The following WDR33 variants were observed in gnomAD, a reference collection of about 807,000 sequenced individuals.
WDR33 encodes pre-mRNA 3' end processing protein WDR33.
WDR33 carries 47 observed loss-of-function variants against 164.9 expected under a neutral mutation model. That is an observed-to-expected ratio of 0.29 (90% CI 0.23 to 0.36). The LOEUF is 0.36. Ranked by LOEUF, WDR33 falls within the 10% of genes least tolerant of loss-of-function variation. WDR33 has a pLI of 1.00. For missense variants in WDR33, 1,137 were observed against 1,754.1 expected (o/e 0.65, Z 6.28); for synonymous variants, 505 against 589.0 (o/e 0.86, Z 2.06).
Position 127,722,813 on chromosome 2 carries a change from G to T in WDR33, c.1379-83C>A. ...CAATGAACACATTATTGGAAGAATA[G>T]ATTTTAAGTATTATGTCATTTATAT... is the stretch of plus-strand genomic sequence containing the variant. On this transcript the variant is annotated intron_variant, in intron 13 of 21. Coordinates refer to ENST00000322313, the MANE Select transcript of WDR33 (RefSeq NM_018383.5). The surrounding 1 kb of genome is among the most constrained non-coding windows in gnomAD (Gnocchi z 5.1). The T allele has an allele frequency of 6.8e-7, 1 of 1,481,382 alleles. No individual in the cohort carries two copies. The highest frequency in any genetic ancestry group is 1.3e-5 in the South Asian group (1 of 78,062). 91.8% of individuals were successfully genotyped at this position (1,481,382 alleles called of 1,614,324 possible). A position where few individuals can be genotyped will look rare whatever the true frequency, so the allele number is the denominator to read the frequency against.
intron 1 of WDR33, among the ~76,000 whole-genome samples, chr2:127,783,599 C>CTTTTTTT (rs35345585): frequency 1.4e-4 from 12 of 84,410 alleles, no homozygotes; most frequent in South Asian, 4.0e-4. Flanking sequence ...TTCAGGACTC[C>CTTTTTTT]TTTTTTTTTT....
At position 127,735,658 on chromosome 2, in the gene WDR33, TG is replaced by T; in HGVS notation, c.725-8882del. On this transcript the variant is annotated intron_variant, in intron 7 of 21. Coordinates refer to ENST00000322313, the MANE Select transcript of WDR33 (RefSeq NM_018383.5). The surrounding 1 kb of genome is among the most constrained non-coding windows in gnomAD (Gnocchi z 4.3). ...TACTTCTAGCCACAAGAACATAAAA[TG>T]TAACAGATCAGTTTAAGACAAAGGG... is the stretch of plus-strand genomic sequence containing the variant. 1.0e-6 allele frequency: 1 copy of T among 985,774 alleles called. No individual in the cohort carries two copies. Among genetic ancestry groups the T allele is most frequent in the Non-Finnish European group, 1.2e-6 (1 of 829,910 alleles). 61.1% of individuals were successfully genotyped at this position (985,774 alleles called of 1,614,324 possible). A position where few individuals can be genotyped will look rare whatever the true frequency, so the allele number is the denominator to read the frequency against.
chr2:127,738,179 T>A lies in WDR33; in HGVS notation c.725-11402A>T. 1.4e-6 allele frequency: 1 copy of A among 716,134 alleles called. No individual in the cohort carries two copies. Among genetic ancestry groups the A allele is most frequent in the Non-Finnish European group, 2.1e-6 (1 of 482,524 alleles). 44.4% of individuals were successfully genotyped at this position (716,134 alleles called of 1,614,324 possible). ...GATTTTTTTCTATTAATGAGTAATC[T>A]GAGATAACATATGCTCCAACTGGAT... On this transcript the variant is annotated intron_variant, in intron 7 of 21. Transcript: ENST00000322313. The surrounding 1 kb of genome is among the most constrained non-coding windows in gnomAD (Gnocchi z 4.4).
chr2:127,749,805 T>C (rs1489105255), intron 7 of WDR33, among the ~76,000 whole-genome samples: 1 of 152,018 alleles, frequency 6.6e-6, no homozygotes, highest in Non-Finnish European at 1.5e-5. Flanking sequence ...CTCTCCATCA[T>C]ACTGAGTCTT....
chr2:127,729,657 G>A (rs1219908609), intron 7 of WDR33, among the ~76,000 whole-genome samples: 7 of 151,994 alleles, frequency 4.6e-5, no homozygotes, highest in African/African-American at 9.7e-5. Flanking sequence ...CACCACGCCC[G>A]GCTAATTGTT....
intron 1 of WDR33, among the ~76,000 whole-genome samples, chr2:127,798,206 G>A (rs1415736254): frequency 1.4e-5 from 2 of 146,854 alleles, no homozygotes; most frequent in Non-Finnish European, 3.0e-5. Flanking sequence ...TGTCTCTACT[G>A]AAAATACAAA....
In WDR33 at chr2:127,764,680, GA is replaced by G; in HGVS notation, c.626+147del. ...GGTGCCAGCAAAATGGTGAATGTGT[GA>G]AAACAAAGAAAAATATTGTGTTTAT... On this transcript the variant is annotated intron_variant, in intron 6 of 21. Transcript: ENST00000322313. The surrounding 1 kb of genome is among the most constrained non-coding windows in gnomAD (Gnocchi z 6.2). 6.3e-7 allele frequency: 1 copy of G among 1,593,196 alleles called. No homozygotes were observed. Among genetic ancestry groups the G allele is most frequent in the Non-Finnish European group, 8.6e-7 (1 of 1,169,166 alleles).
chr2:127,758,892 T>C (rs562336628), intron 7 of WDR33, among the ~76,000 whole-genome samples: 72 of 152,282 alleles, frequency 4.7e-4, no homozygotes, highest in African/African-American at 1.7e-3. Context: ...AACAGTCTCC[T>C]AGGTAACTTG....
intron 1 of WDR33, among the ~76,000 whole-genome samples, chr2:127,781,395 C>T (rs971186736): frequency 5.3e-5 from 8 of 151,886 alleles, no homozygotes; most frequent in African/African-American, 1.7e-4. Flanking sequence ...ATTATGGTGG[C>T]GAACACAGGA....
In WDR33 at chr2:127,714,409, GAAATT is replaced by G. The variant is rs1686251433; in HGVS notation, c.2870-393_2870-389del. Among the ~76,000 whole-genome samples the G allele has an allele frequency of 6.6e-6, 1 of 152,194 alleles. No homozygotes were observed. Among genetic ancestry groups the G allele is most frequent in the Admixed American group, 6.5e-5 (1 of 15,280 alleles). Reference sequence around the variant, plus strand: ...CACATCCAAGGAGGACACAACAGAGGAAATTAATGCTGCAGGCCAGGAAGCGTGCC... The same window carrying G: ...CACATCCAAGGAGGACACAACAGAGGAATGCTGCAGGCCAGGAAGCGTGCC... On this transcript the variant is annotated intron_variant, in intron 17 of 21. Transcript: ENST00000322313. The surrounding 1 kb of genome is among the most constrained non-coding windows in gnomAD (Gnocchi z 4.3).
chr2:127,754,435 A>G (rs188863589), intron 7 of WDR33, among the ~76,000 whole-genome samples: 223 of 152,252 alleles, frequency 1.5e-3, no homozygotes, highest in African/African-American at 5.1e-3. Context: ...TTATGGGGGA[A>G]AAACACAGGG....
chr2:127,720,220 T>G lies in WDR33; in HGVS notation c.1805A>C (p.Gln602Pro). The G allele has an allele frequency of 1.2e-6, 2 of 1,601,926 alleles. No homozygotes were observed. Among genetic ancestry groups the G allele is most frequent in the South Asian group, 2.2e-5 (2 of 89,466 alleles). Residue 602 changes from glutamine (Q) to proline (P), a missense_variant, in exon 16 of 22, where the codon CAA becomes CCA. Around this residue, in one of 9 missense-constraint regions of WDR33, gnomAD observed 867 missense variants for 1,073.0 expected, o/e 0.81. Coordinates refer to ENST00000322313, the MANE Select transcript of WDR33 (RefSeq NM_018383.5). This position sits in a 1 kb window ranked among gnomAD's most constrained non-coding sequence, Gnocchi z 5.9. ...CATCTGCTGAGATGGATGGGGCTGT[T>G]GAAAACCTTGAGGAATCTGAGACAT... The part of the protein sequence containing the change: ...GPMSQIPQGF[Q>P]QPHPSQQMPM...
rs767724864 is a variant in WDR33, at chr2:127,701,519, C to G, written c.*4804G>C. ...CGCAGCTTTTCCTTTCTGCCACCGC[C>G]TTGTCCAAGATGGCGGACCTCCACC... On this transcript the variant is annotated 3_prime_UTR_variant, in exon 22 of 22. Coordinates refer to ENST00000322313, the MANE Select transcript of WDR33 (RefSeq NM_018383.5). 6 of 1,305,552 alleles carry G rather than the reference C, an allele frequency of 4.6e-6. No individual in the cohort carries two copies. The South Asian group carries it at 1.2e-4, about 26-fold the overall frequency. The allele number at this position is 1,305,552 out of a possible 1,614,324, so 80.9% of individuals were successfully genotyped here.
rs17599575 is a variant in WDR33, at chr2:127,723,399, G to T, written c.1197-52C>A. 6.8e-7 allele frequency: 1 copy of T among 1,464,464 alleles called. No individual in the cohort carries two copies. 90.7% of individuals were successfully genotyped at this position (1,464,464 alleles called of 1,614,324 possible). ...AAGCATGGCTTCACTATTTTTTTGGGCACTAAACAGTACTAGGCAGACCCT... is the reference window on the plus strand; with the variant it reads ...AAGCATGGCTTCACTATTTTTTTGGTCACTAAACAGTACTAGGCAGACCCT... On this transcript the variant is annotated intron_variant, in intron 11 of 21. Transcript: ENST00000322313. The surrounding 1 kb of genome is among the most constrained non-coding windows in gnomAD (Gnocchi z 5.9).
At chr2:127,786,793 T>C (rs952754517) in intron 1 of WDR33, among the ~76,000 whole-genome samples, 10 of 151,878 alleles carry the variant, frequency 6.6e-5, no homozygotes, top group African/African-American at 2.2e-4. Context: ...ATTTTCTAAA[T>C]AGACATATAT....
At chr2:127,803,718 T>C (rs1357191181) in intron 1 of WDR33, among the ~76,000 whole-genome samples, 5 of 151,980 alleles carry the variant, frequency 3.3e-5, no homozygotes, top group Non-Finnish European at 7.4e-5. Flanking sequence ...CCAAAAGAAC[T>C]GGGACTCCTT....
intron 18 of WDR33, among the ~76,000 whole-genome samples, chr2:127,711,780 A>ATATATATATTTTTTTTTTTTT: frequency 2.3e-5 from 2 of 88,304 alleles, no homozygotes; most frequent in African/African-American, 6.5e-5. Context: ...ATATATATAT[A>ATATATATATTTTTTTTTTTTT]TTTTTTTTTT....
At chr2:127,760,947 T>C (rs1687654999) in intron 7 of WDR33, among the ~76,000 whole-genome samples, 1 of 152,200 alleles carries the variant, frequency 6.6e-6, no homozygotes, top group African/African-American at 2.4e-5. Context: ...TCTACTTAAC[T>C]TCATCTAAAT....
At chr2:127,749,457 T>A (rs1219827696) in intron 7 of WDR33, among the ~76,000 whole-genome samples, 1 of 151,462 alleles carries the variant, frequency 6.6e-6, no homozygotes, top group African/African-American at 2.4e-5. Context: ...AGGTCAGGGG[T>A]TTGAGACCAG....
Sources: allele counts gnomAD v4.1 joint callset (sites outside exome capture counted in the v4.1 genomes callset), GRCh38; gene constraint gnomAD v4.1.1; regional missense constraint gnomAD v4.1.1; non-coding constraint Gnocchi (gnomAD v3.1); transcripts MANE v1.5; gene names NCBI Gene and HGNC (gene_info 2026-07-23, HGNC 2026-07-21).